The following TBC1D22A variants were observed in gnomAD, a reference collection of about 807,000 sequenced individuals.
TBC1D22A encodes putative GTPase activator.
Under a neutral mutation model 60.2 loss-of-function variants are expected in TBC1D22A, and 38 were observed. That is an observed-to-expected ratio of 0.63 (90% confidence interval 0.49 to 0.83). The LOEUF (loss-of-function observed/expected upper bound fraction) is 0.83. Ranked by LOEUF, TBC1D22A falls within the 40% of genes least tolerant of loss-of-function variation. The pLI, the probability that TBC1D22A is intolerant of heterozygous loss-of-function variation, is 0.00. For missense variants in TBC1D22A, 628 were observed against 701.0 expected, an observed-to-expected ratio of 0.90 and a Z score of 1.18; for synonymous variants, 302 against 281.7, an observed-to-expected ratio of 1.07 and a Z score of -0.72.
chr22:46,906,779 C>CTGTGTG (rs148450942), intron 7 of TBC1D22A, among the ~76,000 whole-genome samples: 5,455 of 149,152 alleles, frequency 0.037, 343 homozygotes, highest in African/African-American at 0.13. Context: ...GGACCCTGAA[C>CTGTGTG]TGTGTGTGTG....
intron 11 of TBC1D22A, among the ~76,000 whole-genome samples, chr22:47,105,197 A>T (rs1168628473): frequency 6.6e-6 from 1 of 152,106 alleles, no homozygotes; most frequent in Non-Finnish European, 1.5e-5. Flanking sequence ...CTACAAAGCC[A>T]CAGTAGCAAC....
Position 46,876,649 on chromosome 22 carries a change from A to AGT in TBC1D22A, c.638-2001_638-2000dup, listed in dbSNP as rs527840202. ...CAGGAACTTCCCAAGAGCCGGGTGG[A>AGT]GTGTTCTCAGAAGCCCTCAGCTGTC... On this transcript the variant is annotated intron_variant, in intron 4 of 12. Coordinates refer to ENST00000337137, the MANE Select transcript of TBC1D22A (RefSeq NM_014346.5). Among the ~76,000 whole-genome samples the AGT allele has an allele frequency of 1.4e-3, 210 of 152,244 alleles. 1 individual carries two copies. Among genetic ancestry groups the AGT allele is most frequent in the African/African-American group, 4.8e-3 (201 of 41,560 alleles).
At chr22:46,918,950 C>T (rs1045724771) in intron 8 of TBC1D22A, among the ~76,000 whole-genome samples, 55 of 152,224 alleles carry the variant, frequency 3.6e-4, no homozygotes, top group Non-Finnish European at 1.3e-4. Flanking sequence ...CCACTCCCAA[C>T]CTCCATGCAA....
At chr22:47,004,270 A>G (rs1260133986) in intron 10 of TBC1D22A, among the ~76,000 whole-genome samples, 8 of 148,396 alleles carry the variant, frequency 5.4e-5, no homozygotes, top group Admixed American at 6.7e-5. Context: ...ACACACTCCT[A>G]TACACACACC....
intron 12 of TBC1D22A, among the ~76,000 whole-genome samples, chr22:47,133,360 C>G (rs111937706): frequency 0.013 from 2,007 of 152,278 alleles, 17 homozygotes; most frequent in Middle Eastern, 0.02. Context: ...GGTGGGGCCT[C>G]TGAAGTACTG....
chr22:47,159,318 C>G (rs905895316), intron 12 of TBC1D22A, among the ~76,000 whole-genome samples: 3 of 88,508 alleles, frequency 3.4e-5, no homozygotes, highest in Non-Finnish European at 7.1e-5. Flanking sequence ...TGTATACATA[C>G]ACACACATGT....
At chr22:47,077,328 G>A (rs2064266621) in intron 11 of TBC1D22A, among the ~76,000 whole-genome samples, 1 of 152,140 alleles carries the variant, frequency 6.6e-6, no homozygotes, top group Non-Finnish European at 1.5e-5. Flanking sequence ...TGATGACTCA[G>A]TCTTCACCAG....
intron 9 of TBC1D22A, among the ~76,000 whole-genome samples, chr22:46,995,207 C>T (rs188883882): frequency 6.6e-4 from 101 of 152,318 alleles, no homozygotes; most frequent in African/African-American, 2.4e-3. Flanking sequence ...TCCCCGGAGC[C>T]CATCCCTCCT....
intron 11 of TBC1D22A, among the ~76,000 whole-genome samples, chr22:47,055,871 T>TTGG (rs1569397673): frequency 0.017 from 2,508 of 151,868 alleles, 80 homozygotes; most frequent in African/African-American, 0.057. Flanking sequence ...CCACGGAGGG[T>TTGG]TGATGAGATA....
chr22:47,152,530 G>A (rs1601689377), intron 12 of TBC1D22A, among the ~76,000 whole-genome samples: 1 of 152,286 alleles, frequency 6.6e-6, no homozygotes, highest in South Asian at 2.1e-4. Context: ...GTTTCTGGCC[G>A]GCCACAACCC....
chr22:47,129,975 C>A (rs934339416), intron 12 of TBC1D22A, among the ~76,000 whole-genome samples: 1 of 152,240 alleles, frequency 6.6e-6, no homozygotes, highest in African/African-American at 2.4e-5. Context: ...GGCTTCCTTA[C>A]CCTGTGGTCC....
At chr22:47,004,787 C>T (rs879461101) in intron 10 of TBC1D22A, among the ~76,000 whole-genome samples, 4 of 151,586 alleles carry the variant, frequency 2.6e-5, no homozygotes, top group Non-Finnish European at 4.4e-5. Context: ...CCTATATACA[C>T]ACACACTCCT....
rs201333209 is a variant in TBC1D22A at position 47,111,623 on chromosome 22, A to G, written c.1425+20A>G. Reference sequence around the variant, plus strand: ...TTTCAAGTAAGTAAATGTCTTTTCAAAAGAACCCAAGTTTGATTTTCTACT... The same window carrying G: ...TTTCAAGTAAGTAAATGTCTTTTCAGAAGAACCCAAGTTTGATTTTCTACT... On this transcript the variant is annotated intron_variant, in intron 12 of 12. Transcript: ENST00000337137. 2.9e-4 allele frequency: 472 copies of G among 1,600,946 alleles called. 1 individual carries two copies. The highest frequency in any genetic ancestry group is 3.2e-4 in the Non-Finnish European group (369 of 1,170,358).
chr22:46,912,962 C>A (rs1429357026), intron 8 of TBC1D22A, among the ~76,000 whole-genome samples: 1 of 152,194 alleles, frequency 6.6e-6, no homozygotes, highest in Non-Finnish European at 1.5e-5. Flanking sequence ...TGTGGCCTTT[C>A]ATCACTTTTC....
chr22:47,075,808 A>G (rs1176151790), intron 11 of TBC1D22A, among the ~76,000 whole-genome samples: 1 of 151,530 alleles, frequency 6.6e-6, no homozygotes, highest in Non-Finnish European at 1.5e-5. Flanking sequence ...ACACACACAC[A>G]CACACACATA....
rs1426534977 is a variant in TBC1D22A at position 47,028,029 on chromosome 22, G to T, written c.1202-9042G>T. On this transcript the variant is annotated intron_variant, in intron 10 of 12. Coordinates refer to ENST00000337137, the MANE Select transcript of TBC1D22A (RefSeq NM_014346.5). The surrounding 1 kb of genome is among the most constrained non-coding windows in gnomAD (Gnocchi z 4.4). ...TTAAAGGAAGTAAATCAGATTTGTTGTTGCCTTCTCATATGGAAATGACCC... is the reference window on the plus strand; with the variant it reads ...TTAAAGGAAGTAAATCAGATTTGTTTTTGCCTTCTCATATGGAAATGACCC... 1.3e-5 allele frequency among the ~76,000 whole-genome samples: 2 copies of T among 152,200 alleles called. No homozygotes were observed. Among genetic ancestry groups the T allele is most frequent in the South Asian group, 2.1e-4 (1 of 4,832 alleles).
At chr22:46,909,658 G>A (rs1355911061) in intron 7 of TBC1D22A, among the ~76,000 whole-genome samples, 10 of 152,086 alleles carry the variant, frequency 6.6e-5, no homozygotes, top group Admixed American at 2.0e-4. Flanking sequence ...TGTTGCTGCT[G>A]CTCCTGTTCT....
chr22:46,904,728 A>T (rs2069327888), intron 7 of TBC1D22A, among the ~76,000 whole-genome samples: 1 of 150,738 alleles, frequency 6.6e-6, no homozygotes, highest in African/African-American at 2.4e-5. Flanking sequence ...TCGGCCTCCC[A>T]AAGTGCTGGG....
intron 1 of TBC1D22A, among the ~76,000 whole-genome samples, chr22:46,773,064 C>T (rs1049830964): frequency 6.6e-6 from 1 of 152,236 alleles, no homozygotes; most frequent in Non-Finnish European, 1.5e-5. Context: ...TGCTCACTTG[C>T]AGGGGCCTGT....
Sources: gnomAD v4.1 joint callset for allele counts (sites outside exome capture counted in the v4.1 genomes callset) on GRCh38, gnomAD v4.1.1 for gene constraint, Gnocchi (gnomAD v3.1) non-coding constraint, MANE v1.5 for transcripts, NCBI Gene and HGNC (gene_info 2026-07-23, HGNC 2026-07-21) for gene names.